Variants in IP6K3 observed in about 807,000 individuals in gnomAD.
IP6K3 encodes the protein inositol hexakisphosphate kinase 3, also known as ATP:1D-myo-inositol-hexakisphosphate phosphotransferase.
A neutral mutation model predicts 28.8 loss-of-function variants in IP6K3; 20 were observed. The observed-to-expected ratio is 0.70, with a 90% CI of 0.49 to 1.01. The LOEUF (loss-of-function observed/expected upper bound fraction) is 1.01, where lower values mean the gene tolerates loss of function less well. IP6K3 is among the 50% of genes least tolerant of loss of function. The pLI is 0.00. For synonymous variants in IP6K3, 213 were observed against 221.3 expected, an observed-to-expected ratio of 0.96 and a Z score of 0.33; for missense variants, 480 against 537.1, an observed-to-expected ratio of 0.89 and a Z score of 1.05.
chr6:33,745,233 G>A (rs985179569), intron 1 of IP6K3, among the ~76,000 whole-genome samples: 1 of 152,234 alleles, frequency 6.6e-6, no homozygotes, highest in Non-Finnish European at 1.5e-5. Context: ...TTCTGCCTGG[G>A]AAGGATTTAT....
Position 33,722,824 on chromosome 6 carries a change from C to T in IP6K3, c.1129G>A (p.Gly377Ser). The change falls in exon 6 of 6, where the codon GGC becomes AGC. Residue 377 changes from glycine to serine, a missense_variant. Gly to Ser is a moderately conservative substitution (Grantham distance 56). Coordinates refer to ENST00000293756, the MANE Select transcript of IP6K3 (RefSeq NM_054111.5). ...MIDFAHTTYKGYWNEHTTYDG... is the reference protein window; with the variant it reads ...MIDFAHTTYKSYWNEHTTYDG... ...TAGGTGGTGTGCTCATTCCAGTAGC[C>T]CTTGTATGTGGTATGAGCAAAGTCA... is the stretch of plus-strand genomic sequence containing the variant. The T allele has an allele frequency of 6.2e-7, 1 of 1,614,074 alleles. No individual in the cohort carries two copies. Among genetic ancestry groups the T allele is most frequent in the Non-Finnish European group, 8.5e-7 (1 of 1,180,008 alleles).
chr6:33,752,909 C>G, the IP6K3 span, among the ~76,000 whole-genome samples: 3 of 152,208 alleles, frequency 2.0e-5, no homozygotes, highest in Admixed American at 6.5e-5. Context: ...GTGTATCAAA[C>G]AGCATTCCCC....
intron 5 of IP6K3, among the ~76,000 whole-genome samples, chr6:33,724,845 G>C (rs1182976196): frequency 6.6e-6 from 1 of 152,184 alleles, no homozygotes; most frequent in Non-Finnish European, 1.5e-5. Context: ...ACATGAGCAG[G>C]AGCCACATGG....
At chr6:33,759,372 G>A in the IP6K3 span, among the ~76,000 whole-genome samples, 4 of 152,058 alleles carry the variant, frequency 2.6e-5, no homozygotes, top group African/African-American at 7.2e-5. Flanking sequence ...TGCCTCCCGC[G>A]GAGAGACTAC....
At chr6:33,730,624 G>A (rs1561903296) in intron 2 of IP6K3, among the ~76,000 whole-genome samples, 1 of 152,146 alleles carries the variant, frequency 6.6e-6, no homozygotes, top group Non-Finnish European at 1.5e-5. Flanking sequence ...TAGCCACCCT[G>A]TCTTCCACCT....
chr6:33,746,770 C>T lies in IP6K3; in HGVS notation c.-192G>A, dbSNP rs912132803. ...AGGCAGCACTCACCAGAGCTTCCTCCGAGATCGTGGGGAGTGTATGGAAGG... is the reference window on the plus strand; with the variant it reads ...AGGCAGCACTCACCAGAGCTTCCTCTGAGATCGTGGGGAGTGTATGGAAGG... On this transcript the variant is annotated 5_prime_UTR_variant, in exon 1 of 6. Transcript: ENST00000293756. This position sits in a 1 kb window ranked among gnomAD's most constrained non-coding sequence, Gnocchi z 6.5. 4 of 152,294 alleles carry T rather than the reference C, an allele frequency of 2.6e-5. No homozygotes were observed. The highest frequency in any genetic ancestry group is 9.7e-5 in the African/African-American group (4 of 41,446). 9.4% of individuals were successfully genotyped at this position (152,294 alleles called of 1,614,324 possible). A position where few individuals can be genotyped will look rare whatever the true frequency, so the allele number is the denominator to read the frequency against.
intron 1 of IP6K3, 36 bp from the exon 2 acceptor site, chr6:33,735,691 G>C: frequency 8.1e-7 from 1 of 1,235,842 alleles, no homozygotes; most frequent in Non-Finnish European, 1.1e-6. Flanking sequence ...AGTTATATGA[G>C]GGAGGTGGTG....
At chr6:33,751,856 C>G (rs888388210), upstream of IP6K3, among the ~76,000 whole-genome samples, 3 of 152,190 alleles carry the variant, frequency 2.0e-5, no homozygotes, top group Non-Finnish European at 4.4e-5. This position sits in a 1 kb window ranked among gnomAD's most constrained non-coding sequence, Gnocchi z 4.3. Context: ...CAGCCAAGCC[C>G]GGCGCCATGT....
chr6:33,728,057 G>A (rs1452346861), intron 3 of IP6K3, 30 bp downstream of exon 3: 3 of 1,593,734 alleles, frequency 1.9e-6, no homozygotes, highest in Non-Finnish European at 2.6e-6. Flanking sequence ...CGAGGGACAG[G>A]GTTTCTGTCA....
At chr6:33,760,028 CTG>C in the IP6K3 span, among the ~76,000 whole-genome samples, 42 of 152,214 alleles carry the variant, frequency 2.8e-4, no homozygotes, top group African/African-American at 9.4e-4. Context: ...CAGAGAGGGA[CTG>C]AGCCTGCGAG....
the IP6K3 span, among the ~76,000 whole-genome samples, chr6:33,756,605 C>A: frequency 6.6e-6 from 1 of 152,110 alleles, no homozygotes; most frequent in Non-Finnish European, 1.5e-5. Flanking sequence ...CCCTTCTGAG[C>A]ATGGAACTTA....
chr6:33,749,447 T>C (rs1286900708), upstream of IP6K3, among the ~76,000 whole-genome samples: 1 of 151,848 alleles, frequency 6.6e-6, no homozygotes, highest in Non-Finnish European at 1.5e-5. Context: ...TTTCTCTCCA[T>C]GGTCGTTTCC....
At chr6:33,760,889 G>A in the IP6K3 span, among the ~76,000 whole-genome samples, 1 of 151,802 alleles carries the variant, frequency 6.6e-6, no homozygotes, top group Non-Finnish European at 1.5e-5. Flanking sequence ...GGAAGTCCTG[G>A]GAGCCCCCGC....
intron 1 of IP6K3, among the ~76,000 whole-genome samples, chr6:33,739,762 G>A (rs944782301): frequency 3.9e-5 from 6 of 152,194 alleles, no homozygotes; most frequent in Admixed American, 2.0e-4. Flanking sequence ...TTTGATCAAC[G>A]CCCTGGGCCT....
At chr6:33,728,400 C>G (rs568724284) in intron 2 of IP6K3, 100 bp from the exon 3 acceptor site, 482 of 1,048,126 alleles carry the variant, frequency 4.6e-4, no homozygotes, top group Non-Finnish European at 6.6e-4. Context: ...CTTAATGGCC[C>G]TGGTCCACCT....
rs1259762777 is a variant in IP6K3, at chr6:33,735,578, C to G, written c.-102G>C. 1 of 1,513,438 alleles carries G rather than the reference C, an allele frequency of 6.6e-7. No homozygotes were observed. The highest frequency in any genetic ancestry group is 2.1e-5 in the Admixed American group (1 of 47,178). The allele number at this position is 1,513,438 out of a possible 1,614,324, so 93.8% of individuals were successfully genotyped here. On this transcript the variant is annotated 5_prime_UTR_variant, in exon 2 of 6. Transcript: ENST00000293756. ...ACAGCACACGGGGCTGTCAGCGGTC[C>G]TCAACTTTCTCCTTCTTGGCCTTTA...
chr6:33,739,565 T>C (rs553325042), intron 1 of IP6K3, among the ~76,000 whole-genome samples: 1 of 152,138 alleles, frequency 6.6e-6, no homozygotes, highest in South Asian at 2.1e-4. Flanking sequence ...AAGAGTAGGG[T>C]TCTTTATCTG....
In IP6K3 at chr6:33,728,318, A is replaced by T. The variant is rs747008472; in HGVS notation, c.200-18T>A. 1 of 1,611,984 alleles carries T rather than the reference A, an allele frequency of 6.2e-7. No individual in the cohort carries two copies. The highest frequency in any genetic ancestry group is 1.1e-5 in the South Asian group (1 of 91,050). On this transcript the variant is annotated intron_variant, in intron 2 of 5. Coordinates refer to ENST00000293756, the MANE Select transcript of IP6K3 (RefSeq NM_054111.5). ...GACGGTACCTGCAAACACACAGGGA[A>T]GGGGAGGGGAGGAGCCAGTTGAGAG...
intron 1 of IP6K3, among the ~76,000 whole-genome samples, chr6:33,741,629 G>GC (rs1766723560): frequency 1.0e-5 from 1 of 98,626 alleles, no homozygotes; most frequent in African/African-American, 4.0e-5. Context: ...TTGGGCAACA[G>GC]AGCGAGACTC....
Sources: allele counts gnomAD v4.1 joint callset (sites outside exome capture counted in the v4.1 genomes callset), GRCh38; gene constraint gnomAD v4.1.1; non-coding constraint Gnocchi (gnomAD v3.1); transcripts MANE v1.5; gene names NCBI Gene and HGNC (gene_info 2026-07-23, HGNC 2026-07-21).